The following PDZD9 variants were observed in gnomAD, a reference collection of about 807,000 sequenced individuals.
The protein encoded by PDZD9 is PDZ domain containing 9.
A neutral mutation model predicts 16.3 loss-of-function variants in PDZD9; 13 were observed. The ratio of observed to expected loss-of-function variants is 0.80; its 90% CI spans 0.52 to 1.27. The LOEUF is 1.27. Ranked by LOEUF, PDZD9 falls within the 50% of genes most tolerant of loss-of-function variation. The pLI is 0.00. For synonymous variants in PDZD9, 120 were observed against 111.0 expected (o/e 1.08, Z -0.51); for missense variants, 288 against 310.9 (o/e 0.93, Z 0.55).
chr16:21,980,998 A>G (rs1412497306), downstream of PDZD9, among the ~76,000 whole-genome samples: 1 of 152,216 alleles, frequency 6.6e-6, no homozygotes, highest in East Asian at 1.9e-4. Context: ...CACCTAACGT[A>G]TCAAACGTTA....
the PDZD9 span, chr16:21,962,457 C>T: frequency 3.1e-6 from 5 of 1,613,982 alleles, no homozygotes. Context: ...TTTTCCGATT[C>T]AGTGTGACCG....
chr16:22,001,051 C>A lies in PDZD9; in HGVS notation c.-4G>T. The A allele has an allele frequency of 6.5e-7, 1 of 1,527,906 alleles. No homozygotes were observed. Among genetic ancestry groups the A allele is most frequent in the South Asian group, 1.2e-5 (1 of 82,540 alleles). 94.6% of individuals were successfully genotyped at this position (1,527,906 alleles called of 1,614,324 possible). ...TTTTGTGGGAGGCCTTCTGCATGGT[C>A]CCGGGAGGTCAGGCAGCCCGGGAGG... On this transcript the variant is annotated 5_prime_UTR_variant, in exon 1 of 4. Coordinates refer to ENST00000424898, the MANE Select transcript of PDZD9 (RefSeq NM_001363519.1).
chr16:21,997,054 C>A (rs1316381368), intron 1 of PDZD9, among the ~76,000 whole-genome samples: 2 of 152,132 alleles, frequency 1.3e-5, no homozygotes, highest in East Asian at 1.9e-4. Context: ...AACTCCTGGA[C>A]TCAAGCAATC....
At chr16:21,987,103 G>T (rs1435213484) in intron 3 of PDZD9, among the ~76,000 whole-genome samples, 1 of 152,128 alleles carries the variant, frequency 6.6e-6, no homozygotes, top group Non-Finnish European at 1.5e-5. Flanking sequence ...GCAGGAACAT[G>T]CCAGGATCAG....
Position 21,984,653 on chromosome 16 carries a change from T to G in PDZD9, c.409A>C (p.Lys137Gln). 6.6e-7 allele frequency: 1 copy of G among 1,506,726 alleles called. No homozygotes were observed. Among genetic ancestry groups the G allele is most frequent in the Non-Finnish European group, 8.9e-7 (1 of 1,127,424 alleles). 93.3% of individuals were successfully genotyped at this position (1,506,726 alleles called of 1,614,324 possible). Residue 137 changes from lysine to glutamine, a missense_variant, in exon 4 of 4, where the codon AAG becomes CAG. Coordinates refer to ENST00000424898, the MANE Select transcript of PDZD9 (RefSeq NM_001363519.1). The stretch of plus-strand genomic sequence containing the variant: ...TCATCTTTTGCCAGCTCAATTTTCT[T>G]TGGTGTGCTGAAATGAAAAGAATAG... ...EAKFPVTSTP[K>Q]KIELAKDESF...
intron 2 of PDZD9, among the ~76,000 whole-genome samples, chr16:21,991,046 TTA>T (rs77085399): frequency 0.13 from 19,956 of 152,010 alleles, 1,808 homozygotes; most frequent in Middle Eastern, 0.23. Flanking sequence ...GAAAAATATT[TTA>T]TCTTTTTCAT....
the PDZD9 span, among the ~76,000 whole-genome samples, chr16:21,966,651 T>TA: frequency 1.3e-5 from 2 of 152,264 alleles, no homozygotes; most frequent in African/African-American, 2.4e-5. Context: ...CTTTCATTCA[T>TA]ATGGCACTTT....
chr16:21,959,691 A>G, the PDZD9 span: 2 of 152,266 alleles, frequency 1.3e-5, no homozygotes, highest in African/African-American at 4.8e-5. Context: ...GCCCAGATCC[A>G]TCAGCGTCTT....
downstream of PDZD9, among the ~76,000 whole-genome samples, chr16:21,981,625 T>A (rs1432700961): frequency 2.0e-5 from 3 of 151,624 alleles, no homozygotes; most frequent in Non-Finnish European, 4.4e-5. Context: ...CTTGGTGGCA[T>A]GCGCCTGTAG....
rs1898948694 is a variant in PDZD9, at chr16:21,988,764, G to C, written c.239C>G (p.Ala80Gly). 6.2e-7 allele frequency: 1 copy of C among 1,612,108 alleles called. No individual in the cohort carries two copies. The highest frequency in any genetic ancestry group is 1.7e-5 in the Admixed American group (1 of 59,772). Residue 80 changes from alanine to glycine, a missense_variant, in exon 3 of 4, where the codon GCC (alanine) becomes GGC (glycine). Transcript: ENST00000424898. Reference protein sequence around the residue: ...PGDVLISVGHANVLGYTLREF... With the variant: ...PGDVLISVGHGNVLGYTLREF... ...TCGAAGAGTATATCCTAACACATTGGCATGGCCAACACTAATCAGAACATC... is the reference window on the plus strand; with the variant it reads ...TCGAAGAGTATATCCTAACACATTGCCATGGCCAACACTAATCAGAACATC...
intron 2 of PDZD9, among the ~76,000 whole-genome samples, chr16:21,990,644 GCAAAA>G (rs576783832): frequency 1.3e-5 from 2 of 152,076 alleles, no homozygotes; most frequent in Non-Finnish European, 2.9e-5. Flanking sequence ...AATTACAATG[GCAAAA>G]CAAAACAAAA....
the PDZD9 span, chr16:21,962,699 A>G: frequency 6.2e-7 from 1 of 1,610,232 alleles, no homozygotes; most frequent in Non-Finnish European, 8.5e-7. Context: ...ACAGCTATGT[A>G]GAATCTCAAA....
chr16:21,990,369 T>C (rs1376123022), intron 2 of PDZD9, among the ~76,000 whole-genome samples: 1 of 152,150 alleles, frequency 6.6e-6, no homozygotes, highest in Non-Finnish European at 1.5e-5. Flanking sequence ...TGCACTGGGC[T>C]TCAATCAGGA....
chr16:21,984,391 A>G lies in PDZD9; in HGVS notation c.671T>C (p.Ile224Thr), dbSNP rs1357889305. Reference sequence around the variant, plus strand: ...GCTTTCATTGTCTTGCTTCACCATTATCCAGTATGGAGAAGGGGCCCTCAC... The same window carrying G: ...GCTTTCATTGTCTTGCTTCACCATTGTCCAGTATGGAGAAGGGGCCCTCAC... ...KEVRAPSPYW[I>T]MVKQDNESSS... The change falls in exon 4 of 4, where the codon ATA (isoleucine) becomes ACA (threonine). Residue 224 changes from isoleucine (I) to threonine (T), a missense_variant. Transcript: ENST00000424898. 9 of 1,614,004 alleles carry G rather than the reference A, an allele frequency of 5.6e-6. No homozygotes were observed. Among genetic ancestry groups the G allele is most frequent in the Admixed American group, 3.3e-5 (2 of 59,992 alleles).
chr16:21,965,949 G>T, the PDZD9 span, among the ~76,000 whole-genome samples: 5 of 152,054 alleles, frequency 3.3e-5, no homozygotes, highest in Non-Finnish European at 5.9e-5. Context: ...CTCTCAAAGT[G>T]CTGGGATTAC....
At chr16:21,957,856 G>C in the PDZD9 span, among the ~76,000 whole-genome samples, 1 of 152,152 alleles carries the variant, frequency 6.6e-6, no homozygotes, top group Non-Finnish European at 1.5e-5. Flanking sequence ...TCCAGCAGTT[G>C]CCCACAACCC....
At chr16:21,997,620 G>T (rs1204131579) in intron 1 of PDZD9, among the ~76,000 whole-genome samples, 2 of 152,160 alleles carry the variant, frequency 1.3e-5, no homozygotes, top group African/African-American at 4.8e-5. Flanking sequence ...AAGCACATGG[G>T]GGAAAATCCG....
the PDZD9 span, chr16:21,959,802 T>C: frequency 6.6e-6 from 1 of 152,230 alleles, no homozygotes; most frequent in Non-Finnish European, 1.5e-5. Context: ...GAAGGGATGT[T>C]CTATTAGCAG....
intron 3 of PDZD9, among the ~76,000 whole-genome samples, chr16:21,986,874 C>T (rs1310910931): frequency 6.6e-6 from 1 of 152,092 alleles, no homozygotes; most frequent in Non-Finnish European, 1.5e-5. Context: ...AGCAAAGTTA[C>T]AAACATGTTG....
Sources: allele counts gnomAD v4.1 joint callset (sites outside exome capture counted in the v4.1 genomes callset), GRCh38; gene constraint gnomAD v4.1.1; transcripts MANE v1.5; gene names NCBI Gene and HGNC (gene_info 2026-07-23, HGNC 2026-07-21).